Variants in CDKN2A observed in about 807,000 individuals in gnomAD.
CDKN2A encodes the protein cyclin dependent kinase inhibitor 2A, also known as cyclin-dependent kinase inhibitor 2A.
In CDKN2A, 3 loss-of-function variants were observed where a neutral mutation model predicts 11.1. The ratio of observed to expected loss-of-function variants is 0.27; its 90% confidence interval spans 0.12 to 0.70. The LOEUF (loss-of-function observed/expected upper bound fraction) is 0.70. Ranked by LOEUF, CDKN2A falls within the 30% of genes least tolerant of loss-of-function variation. The pLI is 0.77. For missense variants in CDKN2A, 265 were observed against 233.6 expected (o/e 1.13, Z -0.88); for synonymous variants, 122 against 108.1 (o/e 1.13, Z -0.80).
chr9:21,984,724 C>G (rs1185957419), intron 2 of CDKN2A, among the ~76,000 whole-genome samples: 1 of 151,940 alleles, frequency 6.6e-6, no homozygotes, highest in Non-Finnish European at 1.5e-5. Context: ...TTAGGATACT[C>G]TAATTTCAGG....
At position 21,971,072 on chromosome 9, in the gene CDKN2A, A is replaced by C; in HGVS notation, c.287T>G (p.Val96Gly). Residue 96 changes from valine (V) to glycine (G), a missense_variant, in exon 2 of 3, where the codon GTG (valine) becomes GGG (glycine). By Grantham distance (109) the Val-to-Gly change is moderately radical. Coordinates refer to ENST00000304494, the MANE Select transcript of CDKN2A (RefSeq NM_000077.5). Reference sequence around the variant, plus strand: ...CAGCCGCGCCCCGGCCCGGTGCAGCACCACCAGCGTGTCCAGGAAGCCCTC... The same window carrying C: ...CAGCCGCGCCCCGGCCCGGTGCAGCCCCACCAGCGTGTCCAGGAAGCCCTC... ...AREGFLDTLVVLHRAGARLDV... is the reference protein window; with the variant it reads ...AREGFLDTLVGLHRAGARLDV... 6.2e-7 allele frequency: 1 copy of C among 1,605,552 alleles called. No individual in the cohort carries two copies. The highest frequency in any genetic ancestry group is 8.5e-7 in the Non-Finnish European group (1 of 1,179,538).
At position 21,968,665 on chromosome 9, in the gene CDKN2A, T is replaced by A. The variant is rs1044825177; in HGVS notation, c.458-423A>T. 1 of 1,535,404 alleles carries A rather than the reference T, an allele frequency of 6.5e-7. No individual in the cohort carries two copies. Among genetic ancestry groups the A allele is most frequent in the East Asian group, 2.4e-5 (1 of 40,914 alleles). ...CCTGGTGCGGAGTGAGCCAGCCAGC[T>A]TGCGATAACCAAAGGGCGCCTCAGG... On this transcript the variant is annotated intron_variant, in intron 2 of 2. Transcript: ENST00000304494. This position sits in a 1 kb window ranked among gnomAD's most constrained non-coding sequence, Gnocchi z 4.7.
chr9:21,994,254 G>A lies in CDKN2A; in HGVS notation c.-175-201C>T, dbSNP rs756946306. ...CCCACTCCCCCGTGAGCCGCGGGAT[G>A]TGAACCACGAAAACCCTCACTCGCG... On this transcript the variant is annotated intron_variant, in intron 1 of 3. Coordinates refer to the CDKN2A transcript ENST00000494262. 12 of 1,606,788 alleles carry A rather than the reference G, an allele frequency of 7.5e-6. 1 individual carries two copies. The East Asian group carries it at 1.6e-4, about 21-fold the overall frequency.
chr9:21,991,787 C>G lies in CDKN2A; in HGVS notation c.-4+2095G>C. 1 of 985,162 alleles carries G rather than the reference C, an allele frequency of 1.0e-6. No homozygotes were observed. Among genetic ancestry groups the G allele is most frequent in the Non-Finnish European group, 1.2e-6 (1 of 829,770 alleles). The allele number at this position is 985,162 out of a possible 1,614,324, so 61.0% of individuals were successfully genotyped here. A position where few individuals can be genotyped will look rare whatever the true frequency, so the allele number is the denominator to read the frequency against. On this transcript the variant is annotated intron_variant, in intron 2 of 3. Transcript: ENST00000494262. The surrounding 1 kb of genome is among the most constrained non-coding windows in gnomAD (Gnocchi z 5.2). Reference sequence around the variant, plus strand: ...TCAAAGAAGTAAAATGAATATAAGTCTTGATTTCTGAAAGGGCTATGGTTC... The same window carrying G: ...TCAAAGAAGTAAAATGAATATAAGTGTTGATTTCTGAAAGGGCTATGGTTC...
chr9:21,995,200 G>C lies in CDKN2A; in HGVS notation c.-555C>G, dbSNP rs1175889277. On this transcript the variant is annotated 5_prime_UTR_variant, in exon 1 of 4. Coordinates refer to the CDKN2A transcript ENST00000494262. This position sits in a 1 kb window ranked among gnomAD's most constrained non-coding sequence, Gnocchi z 5.7. ...CACCCGGGGGTCCCAGCTGGGTCCG[G>C]GCGCCCATTCCCCTCCCAGCTGCCC... is the stretch of plus-strand genomic sequence containing the variant. The C allele has an allele frequency of 1.3e-5, 2 of 152,212 alleles. No homozygotes were observed. Among genetic ancestry groups the C allele is most frequent in the Non-Finnish European group, 2.9e-5 (2 of 68,052 alleles). 9.4% of individuals were successfully genotyped at this position (152,212 alleles called of 1,614,324 possible).
chr9:21,977,433 T>TCGGTTCA (rs1204912352), upstream of CDKN2A, among the ~76,000 whole-genome samples: 1 of 152,210 alleles, frequency 6.6e-6, no homozygotes, highest in Non-Finnish European at 1.5e-5. Flanking sequence ...ACGATCTCTC[T>TCGGTTCA]CGGTTCACTG....
intron 2 of CDKN2A, among the ~76,000 whole-genome samples, chr9:21,990,862 T>C (rs1365682920): frequency 6.6e-6 from 1 of 152,218 alleles, no homozygotes; most frequent in Non-Finnish European, 1.5e-5. Context: ...TTTCTTTCCT[T>C]AGGATGATGC....
At chr9:21,989,589 A>C (rs888348802) in intron 2 of CDKN2A, 1 of 152,236 alleles carries the variant, frequency 6.6e-6, no homozygotes, top group African/African-American at 2.4e-5. Flanking sequence ...CAAGAGTCTC[A>C]GAAGCGCACT....
intron 2 of CDKN2A, among the ~76,000 whole-genome samples, chr9:21,970,077 A>C (rs1046902387): frequency 4.7e-5 from 7 of 150,344 alleles, no homozygotes; most frequent in African/African-American, 9.9e-5. Flanking sequence ...ATTTTGTTTC[A>C]AAAAAAAATG....
chr9:21,978,469 G>T (rs1331941757), upstream of CDKN2A, among the ~76,000 whole-genome samples: 1 of 151,962 alleles, frequency 6.6e-6, no homozygotes, highest in Non-Finnish European at 1.5e-5. Context: ...TGTGCAAAAT[G>T]GGATTATAAT....
At chr9:21,994,114 C>A (rs376551007) in intron 1 of CDKN2A, 1 of 1,597,390 alleles carries the variant, frequency 6.3e-7, no homozygotes, top group Non-Finnish European at 8.5e-7. Context: ...GAATGCGCCC[C>A]GGACTTTTCG....
Position 21,968,743 on chromosome 9 carries a change from A to G in CDKN2A, c.458-501T>C, listed in dbSNP as rs547501045. ...AGCTTCCCTACGCATGCCTGCTTCT[A>G]CAAACCCACAAATGGTTTCCGATCA... On this transcript the variant is annotated intron_variant, in intron 2 of 2. Coordinates refer to ENST00000304494, the MANE Select transcript of CDKN2A (RefSeq NM_000077.5). The surrounding 1 kb of genome is among the most constrained non-coding windows in gnomAD (Gnocchi z 4.7). 3 of 1,536,156 alleles carry G rather than the reference A, an allele frequency of 2.0e-6. No homozygotes were observed. The highest frequency in any genetic ancestry group is 1.2e-5 in the South Asian group (1 of 84,060).
chr9:21,984,405 G>A (rs902212759), intron 2 of CDKN2A, among the ~76,000 whole-genome samples: 12 of 151,968 alleles, frequency 7.9e-5, no homozygotes, highest in African/African-American at 1.4e-4. Context: ...TCAAGTGGAA[G>A]GTACAATGGA....
intron 1 of CDKN2A, chr9:21,994,548 T>A: frequency 1.8e-6 from 2 of 1,096,794 alleles, no homozygotes; most frequent in Non-Finnish European, 2.4e-6. Flanking sequence ...CACCCGGACC[T>A]CCAAGATCTC....
At chr9:21,974,986 G>C (rs2092166719), upstream of CDKN2A, 1 of 1,391,450 alleles carries the variant, frequency 7.2e-7, no homozygotes, top group Non-Finnish European at 9.3e-7. This position sits in a 1 kb window ranked among gnomAD's most constrained non-coding sequence, Gnocchi z 5.2. Context: ...TCCTCTGGAG[G>C]GACCGCGGTA....
upstream of CDKN2A, among the ~76,000 whole-genome samples, chr9:21,975,881 A>C (rs1378221314): frequency 1.3e-5 from 2 of 152,198 alleles, no homozygotes; most frequent in South Asian, 2.1e-4. Flanking sequence ...TTTCCTACTG[A>C]AAATACCTTG....
intron 1 of CDKN2A, chr9:21,994,637 G>T: frequency 2.4e-6 from 1 of 408,820 alleles, no homozygotes; most frequent in Non-Finnish European, 4.3e-6. Context: ...GGCGGCTCAG[G>T]GCCCGCGTTC....
chr9:21,979,130 A>G (rs753952564), upstream of CDKN2A, among the ~76,000 whole-genome samples: 5 of 152,206 alleles, frequency 3.3e-5, no homozygotes, highest in Non-Finnish European at 5.9e-5. Flanking sequence ...TTAAAGATGG[A>G]AAAGAAGGAG....
Position 21,971,575 on chromosome 9 carries a change from A to ATTTTTTTTT in CDKN2A, c.151-376_151-368dup, listed in dbSNP as rs59981968. Among the ~76,000 whole-genome samples, 722 of 111,292 alleles carry ATTTTTTTTT rather than the reference A, an allele frequency of 6.5e-3. 46 individuals carry two copies. The highest frequency in any genetic ancestry group is 0.024 in the African/African-American group (541 of 22,856). The allele number at this position is 111,292 out of a possible 152,430, so 73.0% of individuals were successfully genotyped here. On this transcript the variant is annotated intron_variant, in intron 1 of 2. Coordinates refer to ENST00000304494, the MANE Select transcript of CDKN2A (RefSeq NM_000077.5). ...TCCTGAAATTATGTTAGGCCTGGAG[A>ATTTTTTTTT]TTTTTTTTTTTTTTTTTGTTCACTG...
Sources: allele counts gnomAD v4.1 joint callset (sites outside exome capture counted in the v4.1 genomes callset), GRCh38; gene constraint gnomAD v4.1.1; non-coding constraint Gnocchi (gnomAD v3.1); transcripts MANE v1.5; gene names NCBI Gene and HGNC (gene_info 2026-07-23, HGNC 2026-07-21).